Variants in SUPT6H observed in about 807,000 individuals in gnomAD.
SUPT6H encodes the protein transcription elongation factor SPT6.
SUPT6H carries 11 observed loss-of-function variants against 222.3 expected under a neutral mutation model. The observed-to-expected ratio is 0.05, with a 90% CI of 0.03 to 0.08. The LOEUF is 0.08. Ranked by LOEUF, SUPT6H falls within the 10% of genes least tolerant of loss-of-function variation. SUPT6H has a pLI of 1.00. For synonymous variants in SUPT6H, 762 were observed against 801.2 expected, an observed-to-expected ratio of 0.95 and a Z score of 0.83; for missense variants, 1,422 against 2,216.0, an observed-to-expected ratio of 0.64 and a Z score of 7.19.
At chr17:28,689,673 A>G in intron 25 of SUPT6H, 112 bp downstream of exon 25, 1 of 1,029,186 alleles carries the variant, frequency 9.7e-7, no homozygotes, top group Non-Finnish European at 1.4e-6. Flanking sequence ...AGTATGGCAG[A>G]CTTGATCCTC....
chr17:28,686,356 G>A lies in SUPT6H; in HGVS notation c.2505G>A (p.Thr835=), dbSNP rs1597707652. 6 of 1,614,156 alleles carry A rather than the reference G, an allele frequency of 3.7e-6. 1 individual carries two copies. The highest frequency in any genetic ancestry group is 3.3e-5 in the South Asian group (3 of 91,084). The change falls in exon 20 of 37, where the codon ACG becomes ACA. Residue 835 remains threonine, a synonymous_variant. Coordinates refer to ENST00000314616, the MANE Select transcript of SUPT6H (RefSeq NM_003170.5). ...EREKKAQDIE[T]LKKFLLNKKP... is the part of the protein sequence containing the mutation. The stretch of plus-strand genomic sequence containing the variant: ...CAATCCAGGCTCAAGACATTGAAAC[G>A]CTAAAGAAATTTCTCCTGAATAAGA...
intron 8 of SUPT6H, 129 bp downstream of exon 8, chr17:28,677,945 C>A (rs763503866): frequency 6.2e-5 from 80 of 1,285,860 alleles, no homozygotes; most frequent in Non-Finnish European, 8.6e-5. Context: ...GTAGTCCCAA[C>A]AAGTGTGTGT....
intron 1 of SUPT6H, chr17:28,672,601 A>G (rs1383482988): frequency 6.6e-6 from 1 of 151,874 alleles, no homozygotes; most frequent in African/African-American, 2.4e-5. Context: ...TTTAGTAGAG[A>G]CGGGGTTTCA....
At chr17:28,663,517 A>G (rs901929018) in intron 1 of SUPT6H, among the ~76,000 whole-genome samples, 8 of 152,158 alleles carry the variant, frequency 5.3e-5, no homozygotes, top group African/African-American at 1.7e-4. Context: ...TGATCTTTGT[A>G]GGCAAATACG....
chr17:28,701,731 T>C lies in SUPT6H; in HGVS notation c.*106T>C. ...TTTATGTCCATAAAGTGGCGTGAAG[T>C]GAGACGTTCTCTTTGGTGGTCAACC... On this transcript the variant is annotated 3_prime_UTR_variant, in exon 37 of 37. Coordinates refer to ENST00000314616, the MANE Select transcript of SUPT6H (RefSeq NM_003170.5). 2 of 1,251,822 alleles carry C rather than the reference T, an allele frequency of 1.6e-6. No homozygotes were observed. Among genetic ancestry groups the C allele is most frequent in the Non-Finnish European group, 2.2e-6 (2 of 912,512 alleles). The allele number at this position is 1,251,822 out of a possible 1,614,324, so 77.5% of individuals were successfully genotyped here. A position where few individuals can be genotyped will look rare whatever the true frequency, so the allele number is the denominator to read the frequency against.
intron 19 of SUPT6H, among the ~76,000 whole-genome samples, 171 bp downstream of exon 19, chr17:28,685,132 C>CA (rs1252502867): frequency 2.0e-5 from 3 of 152,152 alleles, no homozygotes; most frequent in African/African-American, 7.2e-5. Context: ...AGATGGCACT[C>CA]AAGTTATCTA....
Position 28,701,624 on chromosome 17 carries a change from AG to A in SUPT6H, c.*4del. 6.2e-7 allele frequency: 1 copy of A among 1,605,356 alleles called. No homozygotes were observed. The highest frequency in any genetic ancestry group is 1.1e-5 in the South Asian group (1 of 90,718). ...CCACTCCTGGACGAGATGGATCGGT[AG>A]GGGGCCTGCTCCTCGGACTCTGGTT... ...ATPLLDEMDR* is the reference protein window; with the variant it reads ...ATPLLDEMDRX On this transcript the variant is annotated frameshift_variant and stop_lost, in exon 37 of 37. Coordinates refer to ENST00000314616, the MANE Select transcript of SUPT6H (RefSeq NM_003170.5). LOFTEE classifies it high-confidence loss of function.
Position 28,701,768 on chromosome 17 carries a change from C to A in SUPT6H, c.*143C>A. 1.1e-6 allele frequency: 1 copy of A among 885,004 alleles called. No homozygotes were observed. The highest frequency in any genetic ancestry group is 1.7e-6 in the Non-Finnish European group (1 of 594,240). The allele number at this position is 885,004 out of a possible 1,614,324, so 54.8% of individuals were successfully genotyped here. ...TTTGGTGGTCAACCCGGATGGGTGA[C>A]AGGCTGGATGGCCTTGTGAACTTGA... On this transcript the variant is annotated 3_prime_UTR_variant, in exon 37 of 37. Coordinates refer to ENST00000314616, the MANE Select transcript of SUPT6H (RefSeq NM_003170.5).
intron 1 of SUPT6H, among the ~76,000 whole-genome samples, chr17:28,664,290 T>C (rs1328477698): frequency 6.6e-6 from 1 of 152,146 alleles, no homozygotes; most frequent in Non-Finnish European, 1.5e-5. Context: ...GGCAGATCAC[T>C]TGAGGTCAGG....
chr17:28,681,078 A>G (rs2031079008), intron 11 of SUPT6H, 178 bp from the exon 12 acceptor site: 1 of 643,978 alleles, frequency 1.6e-6, no homozygotes, highest in Admixed American at 3.1e-5. Context: ...CAGTCTGGGC[A>G]ACAGAGTGAG....
Position 28,682,597 on chromosome 17 carries a change from G to A in SUPT6H, c.1598-130G>A, listed in dbSNP as rs2031173552. ...GATCACACCACTGCACTTTAGCCTG[G>A]GCAACAGAGCGAGACCGTCTCAGGA... On this transcript the variant is annotated intron_variant, in intron 13 of 36. Transcript: ENST00000314616. 3 of 1,338,308 alleles carry A rather than the reference G, an allele frequency of 2.2e-6. No homozygotes were observed. The African/African-American group carries it at 4.4e-5, about 19-fold the overall frequency. 82.9% of individuals were successfully genotyped at this position (1,338,308 alleles called of 1,614,324 possible). A position where few individuals can be genotyped will look rare whatever the true frequency, so the allele number is the denominator to read the frequency against.
rs1382858386 is a variant in SUPT6H at position 28,701,544 on chromosome 17, C to T, written c.5100C>T (p.Pro1700=). 1.2e-6 allele frequency: 2 copies of T among 1,614,018 alleles called. No individual in the cohort carries two copies. The highest frequency in any genetic ancestry group is 2.7e-5 in the African/African-American group (2 of 74,934). ...AGAAGCAGCGGCTGACACCTCGGCC[C>T]TCCCCCAGCCCCATGATCGAAAGCA... The part of the protein sequence containing the change: ...RKQKQRLTPR[P]SPSPMIESTP... Residue 1700 remains proline, a synonymous_variant, in exon 37 of 37, where the codon CCC becomes CCT. Coordinates refer to ENST00000314616, the MANE Select transcript of SUPT6H (RefSeq NM_003170.5).
At chr17:28,667,834 G>C (rs2030175002) in intron 1 of SUPT6H, among the ~76,000 whole-genome samples, 1 of 151,304 alleles carries the variant, frequency 6.6e-6, no homozygotes, top group Non-Finnish European at 1.5e-5. Flanking sequence ...CACCAAGACT[G>C]TGAACTCCAC....
chr17:28,677,941 C>A, intron 8 of SUPT6H, 125 bp downstream of exon 8: 2 of 1,278,318 alleles, frequency 1.6e-6, no homozygotes, highest in Non-Finnish European at 1.1e-6. Flanking sequence ...GTATGTAGTC[C>A]CAACAAGTGT....
rs772428276 is a variant in SUPT6H, at chr17:28,699,899, T to C, written c.4561+6T>C. 8.7e-6 allele frequency: 14 copies of C among 1,611,746 alleles called. No individual in the cohort carries two copies. The East Asian group carries it at 2.7e-4, about 31-fold the overall frequency. The stretch of plus-strand genomic sequence containing the variant: ...CTACCAGGATCCTGTACCAGGTGAG[T>C]TCTGCTCTTCCTGACTTCAGGGACG... On this transcript the variant is annotated splice_donor_region_variant and intron_variant, in intron 33 of 36. Transcript: ENST00000314616.
At position 28,673,352 on chromosome 17, in the gene SUPT6H, C is replaced by A; in HGVS notation, c.-31-19C>A. On this transcript the variant is annotated intron_variant, in intron 1 of 36. Coordinates refer to ENST00000314616, the MANE Select transcript of SUPT6H (RefSeq NM_003170.5). Reference sequence around the variant, plus strand: ...ATCATGTGTCCGTTTTTTTATCCTTCACTCTTTTCTTTCCCTAGTTATCTT... The same window carrying A: ...ATCATGTGTCCGTTTTTTTATCCTTAACTCTTTTCTTTCCCTAGTTATCTT... 6.8e-7 allele frequency: 1 copy of A among 1,473,458 alleles called. No individual in the cohort carries two copies. The highest frequency in any genetic ancestry group is 9.5e-7 in the Non-Finnish European group (1 of 1,057,860). 91.3% of individuals were successfully genotyped at this position (1,473,458 alleles called of 1,614,324 possible). A position where few individuals can be genotyped will look rare whatever the true frequency, so the allele number is the denominator to read the frequency against.
intron 13 of SUPT6H, 141 bp downstream of exon 13, chr17:28,682,121 T>C: frequency 1.6e-6 from 1 of 622,162 alleles, no homozygotes; most frequent in Non-Finnish European, 2.7e-6. Context: ...TTAGCTGGTC[T>C]TTAAAAATAC....
intron 1 of SUPT6H, among the ~76,000 whole-genome samples, chr17:28,664,647 CCT>C (rs1403797750): frequency 4.6e-5 from 7 of 152,102 alleles, no homozygotes; most frequent in African/African-American, 1.7e-4. Flanking sequence ...CTAGTCCAGC[CCT>C]CTCCTCTATG....
In SUPT6H at chr17:28,700,110, CCT is replaced by C. The variant is rs991766944; in HGVS notation, c.4562-62_4562-61del. ...ACCTACTTCAGTGCCCCTTCCACCC[CCT>C]GAATTGGGAAACCAAAAATAGGTTT... is the stretch of plus-strand genomic sequence containing the variant. On this transcript the variant is annotated intron_variant, in intron 33 of 36. Coordinates refer to ENST00000314616, the MANE Select transcript of SUPT6H (RefSeq NM_003170.5). 16 of 1,609,378 alleles carry C rather than the reference CCT, an allele frequency of 9.9e-6. No individual in the cohort carries two copies. In the African/African-American group the frequency reaches 2.1e-4, roughly 21 times the overall value.
Sources: allele counts gnomAD v4.1 joint callset (sites outside exome capture counted in the v4.1 genomes callset), GRCh38; gene constraint gnomAD v4.1.1; transcripts MANE v1.5; gene names NCBI Gene and HGNC (gene_info 2026-07-23, HGNC 2026-07-21).